Variants in SORBS2 observed in about 807,000 individuals in gnomAD.
SORBS2 encodes the protein sorbin and SH3 domain-containing protein 2.
A neutral mutation model predicts 97.7 loss-of-function variants in SORBS2; 46 were observed. That is an observed-to-expected ratio of 0.47 (90% confidence interval 0.37 to 0.60). The LOEUF (loss-of-function observed/expected upper bound fraction) is 0.60. Ranked by LOEUF, SORBS2 falls within the 20% of genes least tolerant of loss-of-function variation. The pLI is 0.00. For synonymous variants in SORBS2, 476 were observed against 473.4 expected (o/e 1.01, Z -0.07); for missense variants, 1,316 against 1,282.3 (o/e 1.03, Z -0.40).
chr4:185,703,674 G>A (rs1056032183), intron 2 of SORBS2, among the ~76,000 whole-genome samples: 6 of 152,238 alleles, frequency 3.9e-5, no homozygotes, highest in South Asian at 4.2e-4. Flanking sequence ...AGAAATGTCG[G>A]CATCAGGCTC....
At chr4:185,811,568 G>A (rs1393035910) in intron 1 of SORBS2, 96 bp downstream of exon 1, 1 of 152,156 alleles carries the variant, frequency 6.6e-6, no homozygotes, top group Non-Finnish European at 1.5e-5. Context: ...TGTTTGTTTG[G>A]TAAATCCAAA....
At chr4:185,636,936 C>CT (rs1211036027) in intron 4 of SORBS2, among the ~76,000 whole-genome samples, 16 of 152,188 alleles carry the variant, frequency 1.1e-4, no homozygotes, top group Non-Finnish European at 2.2e-4. Flanking sequence ...TGTGAGCCAC[C>CT]GTGCTCGGCC....
chr4:185,593,815 C>T, intron 13 of SORBS2, 71 bp downstream of exon 25: 2 of 976,804 alleles, frequency 2.0e-6, no homozygotes, highest in South Asian at 2.6e-5. Context: ...ATACATCTTA[C>T]ATTTTGGTAC....
At position 185,684,635 on chromosome 4, in the gene SORBS2, C is replaced by G. The variant is rs992113097; in HGVS notation, c.-197-5813G>C. Reference sequence around the variant, plus strand: ...CAAGTGACTGCTGTTTTTAATTACACATTTAAAATGTTTCCTACAAGATCT... The same window carrying G: ...CAAGTGACTGCTGTTTTTAATTACAGATTTAAAATGTTTCCTACAAGATCT... On this transcript the variant is annotated intron_variant, in intron 2 of 20. Transcript: ENST00000284776. The surrounding 1 kb of genome is among the most constrained non-coding windows in gnomAD (Gnocchi z 4.2). The G allele has an allele frequency of 5.5e-6, 4 of 723,498 alleles. No individual in the cohort carries two copies. In the African/African-American group the frequency reaches 7.1e-5, roughly 13 times the overall value. 44.8% of individuals were successfully genotyped at this position (723,498 alleles called of 1,614,324 possible).
At chr4:185,721,732 C>A (rs373501032) in intron 2 of SORBS2, among the ~76,000 whole-genome samples, 1 of 152,224 alleles carries the variant, frequency 6.6e-6, no homozygotes, top group East Asian at 1.9e-4. Flanking sequence ...ATGTTTTGCA[C>A]GCATTGGAAA....
At chr4:185,948,223 C>T (rs1041021774) in intron 1 of SORBS2, among the ~76,000 whole-genome samples, 9 of 152,254 alleles carry the variant, frequency 5.9e-5, no homozygotes, top group Admixed American at 6.5e-5. Flanking sequence ...TGCAGCAGAC[C>T]ATCCTGGTTT....
intron 7 of SORBS2, among the ~76,000 whole-genome samples, chr4:185,620,926 AAAT>A (rs1319272877): frequency 1.3e-5 from 2 of 152,238 alleles, no homozygotes; most frequent in Admixed American, 6.5e-5. Context: ...AGCAAAGCAT[AAAT>A]AATCACATTA....
At chr4:185,666,002 GA>G (rs2097590720) in intron 4 of SORBS2, 1 of 1,287,574 alleles carries the variant, frequency 7.8e-7, no homozygotes, top group Admixed American at 2.3e-5. Context: ...AGGCTCTGGG[GA>G]TTATGCAGGC....
chr4:185,623,728 G>A lies in SORBS2; in HGVS notation c.1401C>T (p.Pro467=), dbSNP rs756058585. 2.5e-6 allele frequency: 4 copies of A among 1,614,052 alleles called. No individual in the cohort carries two copies. Among genetic ancestry groups the A allele is most frequent in the Non-Finnish European group, 3.4e-6 (4 of 1,180,022 alleles). The change falls in exon 7 of 15, where the codon CCC becomes CCT. Residue 467 remains proline, a synonymous_variant. Transcript: ENST00000418609. The surrounding 1 kb of genome is among the most constrained non-coding windows in gnomAD (Gnocchi z 6.4). ...GGCAGCCTCGCCGGCCCCGAGCGGG[G>A]GGGCCGCTTTGATTTTCTTCCTCCA...
chr4:185,786,276 C>T (rs2099055982), intron 1 of SORBS2, among the ~76,000 whole-genome samples: 1 of 152,106 alleles, frequency 6.6e-6, no homozygotes, highest in Non-Finnish European at 1.5e-5. Flanking sequence ...CTTCGAGCAA[C>T]AGCATTACCA....
chr4:185,759,786 G>A (rs985842811), intron 2 of SORBS2, among the ~76,000 whole-genome samples: 1 of 151,960 alleles, frequency 6.6e-6, no homozygotes, highest in African/African-American at 2.4e-5. Flanking sequence ...CCTGTAACAG[G>A]GTTCCTTAGT....
intron 1 of SORBS2, among the ~76,000 whole-genome samples, chr4:185,922,918 T>C (rs371413091): frequency 6.6e-6 from 1 of 152,136 alleles, no homozygotes; most frequent in Non-Finnish European, 1.5e-5. Flanking sequence ...AAACTGAAAA[T>C]TCATATCGTT....
intron 1 of SORBS2, among the ~76,000 whole-genome samples, chr4:185,831,848 T>C (rs1239098562): frequency 1.3e-5 from 2 of 152,194 alleles, no homozygotes; most frequent in Admixed American, 6.5e-5. Flanking sequence ...GAGGCAAAAC[T>C]GTGAAGTCAA....
chr4:185,637,662 GA>G (rs1465370999), intron 4 of SORBS2, among the ~76,000 whole-genome samples: 1 of 152,044 alleles, frequency 6.6e-6, no homozygotes, highest in Non-Finnish European at 1.5e-5. Context: ...AGATAATGAA[GA>G]CAGAAGCCCG....
chr4:185,586,069 C>T (rs1312983567), exon 15 of SORBS2: 2 of 43,566 alleles, frequency 4.6e-5, no homozygotes, highest in Non-Finnish European at 7.1e-5. Context: ...CCTGTTTTCT[C>T]AACAACTAGT....
intron 1 of SORBS2, among the ~76,000 whole-genome samples, chr4:185,793,874 T>C (rs1334037574): frequency 6.6e-6 from 1 of 152,214 alleles, no homozygotes; most frequent in African/African-American, 2.4e-5. Flanking sequence ...TTGAAAGATA[T>C]GGAGTCACAT....
intron 2 of SORBS2, among the ~76,000 whole-genome samples, chr4:185,752,787 T>C (rs2153600569): frequency 6.6e-6 from 1 of 152,348 alleles, no homozygotes; most frequent in East Asian, 1.9e-4. Context: ...GGTTCCATTT[T>C]CTATTTATCC....
Position 185,775,290 on chromosome 4 carries a change from A to G in SORBS2, c.-261T>C, listed in dbSNP as rs1424409884. 3 of 152,574 alleles carry G rather than the reference A, an allele frequency of 2.0e-5. No individual in the cohort carries two copies. The East Asian group carries it at 5.8e-4, about 29-fold the overall frequency. The allele number at this position is 152,574 out of a possible 1,614,324, so 9.5% of individuals were successfully genotyped here. On this transcript the variant is annotated 5_prime_UTR_variant, in exon 2 of 21. An upstream start codon of the reference 5' UTR is lost. Transcript: ENST00000284776. The stretch of plus-strand genomic sequence containing the variant: ...GAAGTAGGAGTCAGTGGCCTTTTAC[A>G]TGTAGAGATTGTTTATTTAGCCCTT...
intron 2 of SORBS2, among the ~76,000 whole-genome samples, chr4:185,705,163 A>T (rs1044437018): frequency 6.6e-6 from 1 of 152,252 alleles, no homozygotes. Flanking sequence ...TTCCTAGTTC[A>T]GTACAGGACT....
Sources: allele counts gnomAD v4.1 joint callset (sites outside exome capture counted in the v4.1 genomes callset), GRCh38; gene constraint gnomAD v4.1.1; non-coding constraint Gnocchi (gnomAD v3.1); transcripts MANE v1.5; gene names NCBI Gene and HGNC (gene_info 2026-07-23, HGNC 2026-07-21).